The following EYS variants were observed in gnomAD, a reference collection of about 807,000 sequenced individuals.
EYS encodes protein eyes shut homolog.
In EYS, 250 loss-of-function variants were observed where a neutral mutation model predicts 282.1. The ratio of observed to expected loss-of-function variants is 0.89; its 90% CI spans 0.80 to 0.98. EYS has a LOEUF of 0.98. Among genes scored for constraint, EYS ranks in the 50% least tolerant of loss-of-function variants. The probability of loss-of-function intolerance (pLI) is 0.00; values close to 1 mark genes in which losing one functional copy is unlikely to be tolerated. For synonymous variants in EYS, 1,355 were observed against 1,282.9 expected (o/e 1.06, Z -1.20); for missense variants, 4,016 against 3,709.0 (o/e 1.08, Z -2.15).
intron 13 of EYS, among the ~76,000 whole-genome samples, chr6:65,025,883 C>T (rs1216651733): frequency 1.3e-5 from 2 of 152,144 alleles, no homozygotes; most frequent in Admixed American, 1.3e-4. Flanking sequence ...CTCCCCAGGG[C>T]AGAGAAACTT....
chr6:65,371,741 C>G (rs9453285), intron 8 of EYS, among the ~76,000 whole-genome samples: 20,928 of 69,010 alleles, frequency 0.3, 2,444 homozygotes, highest in Non-Finnish European at 0.35. Flanking sequence ...CTCTCTCTCT[C>G]TGTGTGTGTG....
At chr6:64,555,518 A>C (rs1240229818) in intron 26 of EYS, among the ~76,000 whole-genome samples, 1 of 151,984 alleles carries the variant, frequency 6.6e-6, no homozygotes, top group Non-Finnish European at 1.5e-5. Flanking sequence ...AAAAAATGTG[A>C]GGTAATGCAT....
chr6:64,110,500 T>C (rs1773170647), intron 31 of EYS, among the ~76,000 whole-genome samples: 1 of 151,870 alleles, frequency 6.6e-6, no homozygotes, highest in Non-Finnish European at 1.5e-5. Context: ...GACATCAGAG[T>C]GAAGATGCCT....
At chr6:64,841,236 T>C (rs1160082844) in intron 19 of EYS, among the ~76,000 whole-genome samples, 1 of 152,146 alleles carries the variant, frequency 6.6e-6, no homozygotes, top group Non-Finnish European at 1.5e-5. Context: ...CACTTAATCA[T>C]GTGTTCATGT....
chr6:64,113,956 T>A (rs1175848682), intron 31 of EYS, among the ~76,000 whole-genome samples: 5 of 152,200 alleles, frequency 3.3e-5, no homozygotes, highest in African/African-American at 1.2e-4. Context: ...ATATTTTCTA[T>A]GGCTGCTTTC....
intron 40 of EYS, among the ~76,000 whole-genome samples, chr6:63,762,953 G>C (rs563032254): frequency 1.3e-5 from 2 of 152,138 alleles, no homozygotes; most frequent in South Asian, 4.1e-4. Context: ...GCTGTGCATG[G>C]TGTTGCTGTC....
At chr6:63,894,552 G>A (rs1049044131) in intron 35 of EYS, among the ~76,000 whole-genome samples, 13 of 151,804 alleles carry the variant, frequency 8.6e-5, no homozygotes, top group African/African-American at 3.1e-4. Context: ...GAACTGGGAG[G>A]GCATAAAATC....
intron 12 of EYS, among the ~76,000 whole-genome samples, chr6:65,086,328 T>TAA (rs368439314): frequency 2.0e-5 from 3 of 146,762 alleles, no homozygotes; most frequent in African/African-American, 7.5e-5. Context: ...AAAAACTAAA[T>TAA]AAAAAAAAAA....
chr6:64,961,314 T>C (rs976376464), intron 14 of EYS, among the ~76,000 whole-genome samples: 3 of 152,164 alleles, frequency 2.0e-5, no homozygotes, highest in Admixed American at 6.5e-5. Context: ...AACATTTTGG[T>C]CAGTGGTGTT....
Position 64,590,237 on chromosome 6 carries a change from C to A in EYS, c.5630G>T (p.Arg1877Leu), listed in dbSNP as rs780006257. 5 of 1,543,850 alleles carry A rather than the reference C, an allele frequency of 3.2e-6. No homozygotes were observed. The highest frequency in any genetic ancestry group is 3.5e-6 in the Non-Finnish European group (4 of 1,143,298). ...SSLESILAPQ[R>L]LMISDFSCVR... ...GAGAAACTCACCAGAAATCATCAGC[C>A]GTTGAGGTGCCAGAATGGATTCCAG... The change falls in exon 26 of 43, where the codon CGG becomes CTG. Residue 1877 changes from arginine (R) to leucine (L), a missense_variant. Transcript: ENST00000503581.
intron 22 of EYS, among the ~76,000 whole-genome samples, chr6:64,696,477 G>C (rs1471365802): frequency 6.6e-6 from 1 of 152,088 alleles, no homozygotes; most frequent in East Asian, 1.9e-4. Flanking sequence ...ATGAGATTTA[G>C]ACATCCAGAT....
chr6:64,332,478 G>A (rs976782007), intron 29 of EYS, among the ~76,000 whole-genome samples: 16 of 152,252 alleles, frequency 1.1e-4, no homozygotes, highest in Admixed American at 4.6e-4. Flanking sequence ...GGCCTTTATC[G>A]GATGGTCCCC....
At chr6:64,057,861 T>C (rs1381373841) in intron 33 of EYS, among the ~76,000 whole-genome samples, 1 of 152,158 alleles carries the variant, frequency 6.6e-6, no homozygotes, top group Non-Finnish European at 1.5e-5. Context: ...AGACAGAGTC[T>C]CACTCTGTCA....
intron 2 of EYS, among the ~76,000 whole-genome samples, chr6:65,616,728 G>A (rs1766211471): frequency 6.6e-6 from 1 of 151,660 alleles, no homozygotes; most frequent in Non-Finnish European, 1.5e-5. Context: ...CAAGGTTGCA[G>A]TGAGCCGAGA....
intron 31 of EYS, among the ~76,000 whole-genome samples, chr6:64,099,216 A>G (rs1409415956): frequency 6.6e-6 from 1 of 152,204 alleles, no homozygotes; most frequent in Non-Finnish European, 1.5e-5. Context: ...TGGTATGGCT[A>G]GTATGGAAAG....
At chr6:65,004,802 C>A (rs1771587930) in intron 13 of EYS, among the ~76,000 whole-genome samples, 1 of 147,800 alleles carries the variant, frequency 6.8e-6, no homozygotes, top group East Asian at 2.1e-4. Flanking sequence ...CTCTCTCTCC[C>A]TTTCCCTCTA....
intron 35 of EYS, among the ~76,000 whole-genome samples, chr6:63,952,894 G>A (rs932488113): frequency 1.3e-5 from 2 of 151,994 alleles, no homozygotes; most frequent in Admixed American, 6.6e-5. Flanking sequence ...GCTTTAAAAG[G>A]ATTAAAGCCC....
intron 33 of EYS, among the ~76,000 whole-genome samples, chr6:64,041,572 A>G (rs1770392733): frequency 6.6e-6 from 1 of 152,178 alleles, no homozygotes; most frequent in Non-Finnish European, 1.5e-5. Flanking sequence ...CAGAGATGGC[A>G]CTAAAAATGA....
rs1383287732 is a variant in EYS at position 65,129,054 on chromosome 6, A to G, written c.2024-71327T>C. Among the ~76,000 whole-genome samples, 4 of 152,062 alleles carry G rather than the reference A, an allele frequency of 2.6e-5. No individual in the cohort carries two copies. The East Asian group carries it at 7.7e-4, about 29-fold the overall frequency. ...TTGACAAATTTTACAAAAATAATCA[A>G]TGAGGAGAAGACTCCATATTCAATA... On this transcript the variant is annotated intron_variant, in intron 12 of 42. Coordinates refer to ENST00000503581, the MANE Select transcript of EYS (RefSeq NM_001142800.2).
Sources: allele counts gnomAD v4.1 joint callset (sites outside exome capture counted in the v4.1 genomes callset), GRCh38; gene constraint gnomAD v4.1.1; transcripts MANE v1.5; gene names NCBI Gene and HGNC (gene_info 2026-07-23, HGNC 2026-07-21).